The following P2RX5 variants were observed in gnomAD, a reference collection of about 807,000 sequenced individuals.
The protein encoded by P2RX5 is P2X purinoceptor 5.
Under a neutral mutation model 54.1 loss-of-function variants are expected in P2RX5, and 46 were observed. That is an observed-to-expected ratio of 0.85 (90% CI 0.67 to 1.09). The LOEUF (loss-of-function observed/expected upper bound fraction) is 1.09. P2RX5 is among the 50% of genes least tolerant of loss of function. P2RX5 has a pLI of 0.00. For synonymous variants in P2RX5, 226 were observed against 226.4 expected (o/e 1.00, Z 0.02); for missense variants, 566 against 549.8 (o/e 1.03, Z -0.29).
chr17:3,702,111 G>A, the P2RX5 span, among the ~76,000 whole-genome samples: 4 of 152,058 alleles, frequency 2.6e-5, no homozygotes, highest in East Asian at 3.8e-4. Context: ...TTTCTGTCTA[G>A]GTAAAGGATT....
chr17:3,693,254 C>G (rs537067496), intron 1 of P2RX5, among the ~76,000 whole-genome samples: 27 of 152,130 alleles, frequency 1.8e-4, no homozygotes, highest in African/African-American at 5.6e-4. Flanking sequence ...CACTTCACTT[C>G]CACTAGGATG....
chr17:3,679,702 G>A lies in P2RX5; in HGVS notation c.1147C>T (p.Leu383=). The change falls in exon 11 of 12, where the codon CTG becomes TTG. Residue 383 remains leucine (L), a synonymous_variant. Coordinates refer to ENST00000225328, the MANE Select transcript of P2RX5 (RefSeq NM_002561.4). The part of the protein sequence containing the change: ...LSEQLTSGPG[L]LGMPEQQELQ... ...TCCTGCTGCTCCGGCATCCCCAGCA[G>A]CCCTGGCCCAGATGTGAGCTGCTCA... The A allele has an allele frequency of 6.2e-7, 1 of 1,612,308 alleles. No individual in the cohort carries two copies. Among genetic ancestry groups the A allele is most frequent in the South Asian group, 1.1e-5 (1 of 91,082 alleles).
intron 2 of P2RX5, among the ~76,000 whole-genome samples, chr17:3,691,287 G>GCCCT (rs2050609730): frequency 6.6e-6 from 1 of 152,206 alleles, no homozygotes. Flanking sequence ...GGCTGCCCTG[G>GCCCT]CCCTGGCCAA....
intron 11 of P2RX5, among the ~76,000 whole-genome samples, chr17:3,674,869 G>C (rs565406654): frequency 3.3e-5 from 5 of 152,178 alleles, no homozygotes; most frequent in Admixed American, 6.5e-5. Flanking sequence ...CTGTGATGAC[G>C]GGTGTGATCA....
the P2RX5 span, chr17:3,720,612 C>T: frequency 3.4e-5 from 13 of 378,928 alleles, no homozygotes; most frequent in African/African-American, 2.0e-4. Flanking sequence ...GATGGAGTTT[C>T]GCTCTTTCGC....
At chr17:3,711,636 C>T in the P2RX5 span, among the ~76,000 whole-genome samples, 4 of 152,086 alleles carry the variant, frequency 2.6e-5, no homozygotes, top group Middle Eastern at 3.4e-3. Flanking sequence ...CCCACGTCGG[C>T]GCCTCCCGAA....
the P2RX5 span, chr17:3,722,604 G>A: frequency 6.6e-6 from 1 of 152,554 alleles, no homozygotes; most frequent in Non-Finnish European, 1.5e-5. Flanking sequence ...CTTGTGGCCA[G>A]AATAATGCTG....
At chr17:3,692,514 C>A (rs1210318688) in intron 1 of P2RX5, among the ~76,000 whole-genome samples, 1 of 151,908 alleles carries the variant, frequency 6.6e-6, no homozygotes, top group East Asian at 1.9e-4. Flanking sequence ...ACGAGGAGAC[C>A]TCAAACAAAC....
intron 5 of P2RX5, 91 bp from the exon 6 acceptor site, chr17:3,690,241 T>A: frequency 7.6e-7 from 1 of 1,310,010 alleles, no homozygotes; most frequent in Non-Finnish European, 1.1e-6. Flanking sequence ...GTTCCTTGGG[T>A]CCCCTGGAGC....
At chr17:3,723,811 G>A in the P2RX5 span, 1 of 1,581,480 alleles carries the variant, frequency 6.3e-7, no homozygotes. Context: ...TCCCGTCCCG[G>A]CCCCGGCCCT....
At chr17:3,680,244 C>CGTCCTCCACCCTGCATCCTCCACCCAGT (rs2050218775) in intron 10 of P2RX5, among the ~76,000 whole-genome samples, 4 of 118,928 alleles carry the variant, frequency 3.4e-5, no homozygotes, top group African/African-American at 1.2e-4. Context: ...CTCCACCCAG[C>CGTCCTCCACCCTGCATCCTCCACCCAGT]GTCCTCCACC....
At chr17:3,716,848 A>G in the P2RX5 span, 1 of 1,001,558 alleles carries the variant, frequency 1.0e-6, no homozygotes, top group Non-Finnish European at 1.6e-6. Context: ...GCAAACAAGG[A>G]AAAAATCCTA....
intron 11 of P2RX5, chr17:3,677,260 G>C (rs1567728190): frequency 1.0e-6 from 1 of 985,240 alleles, no homozygotes; most frequent in Non-Finnish European, 1.2e-6. Context: ...CCCAGCCTCT[G>C]AGGAGGGGTG....
chr17:3,693,410 G>C (rs188843706), intron 1 of P2RX5, among the ~76,000 whole-genome samples: 1 of 152,264 alleles, frequency 6.6e-6, no homozygotes, highest in African/African-American at 2.4e-5. Flanking sequence ...GTTAAGGATC[G>C]AGTTACCAGA....
In P2RX5 at chr17:3,690,708, G is replaced by T. The variant is rs540073200; in HGVS notation, c.361-28C>A. ...GCCAGGAGAGAAGGGGCACCTGGAT[G>T]GGGGGGTTCCCCCAGCTCAGAGCCG... On this transcript the variant is annotated intron_variant, in intron 3 of 11. Transcript: ENST00000225328. 5.0e-6 allele frequency: 8 copies of T among 1,603,402 alleles called. No homozygotes were observed. The African/African-American group carries it at 6.8e-5, about 14-fold the overall frequency.
At chr17:3,699,083 ACACACACACACC>A (rs765584285), upstream of P2RX5, among the ~76,000 whole-genome samples, 221 of 124,410 alleles carry the variant, frequency 1.8e-3, 3 homozygotes, top group Non-Finnish European at 2.8e-3. Flanking sequence ...ACACACACAC[ACACACACACACC>A]TATATATATA....
Position 3,673,600 on chromosome 17 carries a change from T to C in P2RX5, c.*268A>G. Reference sequence around the variant, plus strand: ...TGTTCCCCATTTACAACCCGTTCCCTAGTGCGGGAAGCCAGCCACGGAGAA... The same window carrying C: ...TGTTCCCCATTTACAACCCGTTCCCCAGTGCGGGAAGCCAGCCACGGAGAA... On this transcript the variant is annotated 3_prime_UTR_variant, in exon 12 of 12. Coordinates refer to ENST00000225328, the MANE Select transcript of P2RX5 (RefSeq NM_002561.4). 1 of 1,410,558 alleles carries C rather than the reference T, an allele frequency of 7.1e-7. No homozygotes were observed. The highest frequency in any genetic ancestry group is 1.5e-5 in the South Asian group (1 of 66,072). The allele number at this position is 1,410,558 out of a possible 1,614,324, so 87.4% of individuals were successfully genotyped here. A position where few individuals can be genotyped will look rare whatever the true frequency, so the allele number is the denominator to read the frequency against.
chr17:3,688,509 C>T (rs1036949532), intron 8 of P2RX5, 117 bp downstream of exon 8: 1 of 1,138,974 alleles, frequency 8.8e-7, no homozygotes, highest in African/African-American at 1.5e-5. Context: ...CCATCTGTCC[C>T]TGCACCTCCC....
chr17:3,715,148 TC>T, the P2RX5 span, among the ~76,000 whole-genome samples: 1 of 152,210 alleles, frequency 6.6e-6, no homozygotes, highest in Non-Finnish European at 1.5e-5. Flanking sequence ...CAGAACTGAC[TC>T]CACCTTCCTC....
Sources: allele counts gnomAD v4.1 joint callset (sites outside exome capture counted in the v4.1 genomes callset), GRCh38; gene constraint gnomAD v4.1.1; transcripts MANE v1.5; gene names NCBI Gene and HGNC (gene_info 2026-07-23, HGNC 2026-07-21).